The following FHIT variants were observed in gnomAD, a reference collection of about 807,000 sequenced individuals.
FHIT encodes bis(5'-adenosyl)-triphosphatase.
In FHIT, 19 loss-of-function variants were observed where a neutral mutation model predicts 17.9. The observed-to-expected ratio is 1.06, with a 90% CI of 0.74 to 1.56. The LOEUF is 1.56. Ranked by LOEUF, FHIT falls within the 40% of genes most tolerant of loss-of-function variation. The pLI, the probability that FHIT is intolerant of heterozygous loss-of-function variation, is 0.00. For synonymous variants in FHIT, 81 were observed against 69.7 expected, an observed-to-expected ratio of 1.16 and a Z score of -0.81; for missense variants, 248 against 189.2, an observed-to-expected ratio of 1.31 and a Z score of -1.82.
At chr3:60,329,370 T>TG (rs1272096963) in intron 5 of FHIT, among the ~76,000 whole-genome samples, 1 of 152,212 alleles carries the variant, frequency 6.6e-6, no homozygotes, top group Non-Finnish European at 1.5e-5. Context: ...TAGAGACCCC[T>TG]GGCAATCTGA....
chr3:60,231,578 C>G (rs1466853999), intron 5 of FHIT, among the ~76,000 whole-genome samples: 1 of 152,150 alleles, frequency 6.6e-6, no homozygotes, highest in African/African-American at 2.4e-5. Context: ...CTAGTTTTGA[C>G]AGATCTTCGC....
intron 4 of FHIT, among the ~76,000 whole-genome samples, chr3:60,622,532 G>C (rs62249122): frequency 0.19 from 28,703 of 152,088 alleles, 2,782 homozygotes; most frequent in East Asian, 0.24. Context: ...AAAACAATCA[G>C]AACTCAAAGG....
intron 4 of FHIT, chr3:60,553,446 AT>A: frequency 2.3e-6 from 1 of 436,258 alleles, no homozygotes; most frequent in Non-Finnish European, 3.0e-6. Context: ...TTTAAAATAT[AT>A]ATATATATAT....
intron 5 of FHIT, among the ~76,000 whole-genome samples, chr3:60,309,745 C>CT (rs921929026): frequency 5.9e-5 from 9 of 151,356 alleles, no homozygotes; most frequent in East Asian, 3.9e-4. Context: ...TCCTGTTTAA[C>CT]TTTTTTTTTC....
intron 3 of FHIT, among the ~76,000 whole-genome samples, chr3:60,919,942 G>A (rs552347617): frequency 1.1e-4 from 16 of 152,102 alleles, no homozygotes; most frequent in African/African-American, 3.6e-4. Flanking sequence ...GCTGAGGGAG[G>A]AGAGTCGCTT....
At chr3:60,781,309 A>G (rs1468255111) in intron 4 of FHIT, among the ~76,000 whole-genome samples, 5 of 152,334 alleles carry the variant, frequency 3.3e-5, no homozygotes, top group East Asian at 3.9e-4. Flanking sequence ...AAACTATGCT[A>G]TACTGGGAAC....
chr3:60,330,981 A>C (rs950057103), intron 5 of FHIT, among the ~76,000 whole-genome samples: 2 of 152,210 alleles, frequency 1.3e-5, no homozygotes, highest in African/African-American at 4.8e-5. Flanking sequence ...TCTAAGGGAC[A>C]AATGTGACCA....
At chr3:60,099,912 G>A (rs1426215950) in intron 5 of FHIT, among the ~76,000 whole-genome samples, 8 of 152,132 alleles carry the variant, frequency 5.3e-5, no homozygotes, top group South Asian at 4.1e-4. Flanking sequence ...AGTATTTTTC[G>A]TGAATGAACA....
intron 5 of FHIT, among the ~76,000 whole-genome samples, chr3:60,330,885 G>A (rs1486517916): frequency 6.6e-6 from 1 of 152,142 alleles, no homozygotes; most frequent in Non-Finnish European, 1.5e-5. Context: ...AACAGAGACA[G>A]GAGTGTGCAT....
At chr3:60,672,367 T>A (rs1297430008) in intron 4 of FHIT, among the ~76,000 whole-genome samples, 1 of 150,904 alleles carries the variant, frequency 6.6e-6, no homozygotes, top group African/African-American at 2.5e-5. Flanking sequence ...AAAATTACAG[T>A]CAAAGGGGGT....
intron 3 of FHIT, among the ~76,000 whole-genome samples, chr3:60,932,229 T>A (rs371641938): frequency 2.0e-5 from 3 of 152,160 alleles, no homozygotes; most frequent in South Asian, 4.1e-4. Context: ...CTATGCACAT[T>A]TTACAGGTCA....
chr3:59,992,104 G>C (rs1051005088), intron 7 of FHIT, among the ~76,000 whole-genome samples: 3 of 151,988 alleles, frequency 2.0e-5, no homozygotes, highest in Admixed American at 6.6e-5. Context: ...CAAGGCTGTA[G>C]AACTAAACAG....
intron 1 of FHIT, among the ~76,000 whole-genome samples, chr3:61,206,762 A>C (rs2039248549): frequency 6.6e-6 from 1 of 152,058 alleles, no homozygotes; most frequent in Non-Finnish European, 1.5e-5. Context: ...TGTCATCTGC[A>C]AACAGGGACA....
At chr3:59,995,969 T>C (rs527902943) in intron 7 of FHIT, among the ~76,000 whole-genome samples, 8 of 152,116 alleles carry the variant, frequency 5.3e-5, no homozygotes, top group African/African-American at 1.9e-4. Context: ...CCAAAACTAC[T>C]ATAGATGAAG....
At chr3:60,527,897 C>G (rs2035634070) in intron 5 of FHIT, among the ~76,000 whole-genome samples, 1 of 152,146 alleles carries the variant, frequency 6.6e-6, no homozygotes, top group Non-Finnish European at 1.5e-5. Flanking sequence ...TGGGTAAAGC[C>G]CAGACTCCCA....
intron 5 of FHIT, among the ~76,000 whole-genome samples, chr3:60,215,217 C>T (rs1271983471): frequency 6.6e-6 from 1 of 152,030 alleles, no homozygotes; most frequent in African/African-American, 2.4e-5. Context: ...ATAGGCTGGG[C>T]CTGGTGGCTC....
At chr3:60,242,595 T>C (rs941499607) in intron 5 of FHIT, among the ~76,000 whole-genome samples, 1 of 152,126 alleles carries the variant, frequency 6.6e-6, no homozygotes, top group Non-Finnish European at 1.5e-5. Context: ...CAAAGTTGAC[T>C]GCTTAGATAA....
chr3:60,616,441 T>A (rs1451526286), intron 4 of FHIT, among the ~76,000 whole-genome samples: 1 of 152,200 alleles, frequency 6.6e-6, no homozygotes, highest in Non-Finnish European at 1.5e-5. Flanking sequence ...AAAATTTTTT[T>A]AATTATACAA....
intron 3 of FHIT, among the ~76,000 whole-genome samples, chr3:60,875,443 G>GCCTTAT (rs1288674829): frequency 7.2e-5 from 11 of 152,144 alleles, no homozygotes; most frequent in African/African-American, 2.7e-4. Context: ...CCACAGACAA[G>GCCTTAT]CCTTATCCTC....
Sources: gnomAD v4.1 joint callset for allele counts (sites outside exome capture counted in the v4.1 genomes callset) on GRCh38, gnomAD v4.1.1 for gene constraint, MANE v1.5 for transcripts, NCBI Gene and HGNC (gene_info 2026-07-23, HGNC 2026-07-21) for gene names.